The following PPP1R3F variants were observed in gnomAD, a reference collection of about 807,000 sequenced individuals.
The protein encoded by PPP1R3F is protein phosphatase 1, regulatory (inhibitor) subunit 3F.
Under a neutral mutation model 24.2 loss-of-function variants are expected in PPP1R3F, and 29 were observed. The ratio of observed to expected loss-of-function variants is 1.20; its 90% CI spans 0.89 to 1.63. The LOEUF (loss-of-function observed/expected upper bound fraction) is 1.63. Among genes scored for constraint, PPP1R3F ranks in the 40% most tolerant of loss-of-function variants. PPP1R3F has a pLI of 0.00. For synonymous variants in PPP1R3F, 363 were observed against 340.1 expected (o/e 1.07, Z -0.74); for missense variants, 823 against 729.3 (o/e 1.13, Z -1.48).
intron 3 of PPP1R3F, among the ~76,000 whole-genome samples, chrX:49,282,495 T>G (rs372859868): frequency 5.3e-5 from 4 of 76,101 alleles, no homozygotes; most frequent in African/African-American, 2.2e-4. Flanking sequence ...GTGTGTGTGT[T>G]GTGGGCGGGG....
chrX:49,291,571 A>T (rs1333642032), downstream of PPP1R3F, among the ~76,000 whole-genome samples: 1 of 109,603 alleles, frequency 9.1e-6, no homozygotes, highest in Non-Finnish European at 1.9e-5. Flanking sequence ...CAGGTGATCC[A>T]CCCGCCTCAG....
chrX:49,269,914 G>A lies in PPP1R3F; in HGVS notation c.45G>A (p.Ala15=), dbSNP rs1187692837. ...APVEPPLRHS[A]PPSPAAGEPR... is the part of the protein sequence containing the mutation. ...TGGAGCCCCCGCTGCGGCATTCCGC[G>A]CCCCCCTCGCCGGCCGCGGGTGAGC... The change falls in exon 1 of 4, where the codon GCG becomes GCA. Residue 15 remains alanine, a synonymous_variant. Transcript: ENST00000055335. 5.5e-6 allele frequency: 5 copies of A among 904,528 alleles called. No individual in the cohort carries two copies. The highest frequency in any genetic ancestry group is 6.8e-6 in the Non-Finnish European group (5 of 735,246). 74.5% of individuals were successfully genotyped at this position (904,528 alleles called of 1,213,427 possible).
downstream of PPP1R3F, chrX:49,288,115 T>A (rs1376564251): frequency 8.9e-6 from 1 of 112,533 alleles, no homozygotes; most frequent in Non-Finnish European, 1.9e-5. Context: ...TTTATTTACT[T>A]CCCTTTACAG....
chrX:49,271,564 TG>T (rs1351249489), intron 1 of PPP1R3F, among the ~76,000 whole-genome samples: 1 of 112,027 alleles, frequency 8.9e-6, no homozygotes, highest in Admixed American at 9.4e-5. Context: ...GCTTTGCCAG[TG>T]GGGGGTAGAG....
At chrX:49,271,408 AAC>A (rs1371368818) in intron 1 of PPP1R3F, among the ~76,000 whole-genome samples, 1 of 112,456 alleles carries the variant, frequency 8.9e-6, no homozygotes, top group African/African-American at 3.2e-5. Flanking sequence ...GATGATGAAT[AAC>A]AGTTATGTGC....
downstream of PPP1R3F, among the ~76,000 whole-genome samples, chrX:49,291,865 C>T (rs1557122416): frequency 9.0e-6 from 1 of 110,925 alleles, no homozygotes; most frequent in African/African-American, 3.3e-5. Flanking sequence ...CCGCATCCTA[C>T]AACCCCTCTG....
At chrX:49,291,288 T>TTCTCTCTCTCTCTCTCTCTCTCTCTC (rs781932322), downstream of PPP1R3F, among the ~76,000 whole-genome samples, 10 of 50,608 alleles carry the variant, frequency 2.0e-4, no homozygotes, top group African/African-American at 3.0e-4. Context: ...CAGCCTACTT[T>TTCTCTCTCTCTCTCTCTCTCTCTCTC]TCTCTCTCTC....
intron 2 of PPP1R3F, 24 bp from the exon 3 acceptor site, chrX:49,281,957 A>G (rs782336561): frequency 1.1e-5 from 12 of 1,139,932 alleles, no homozygotes; most frequent in African/African-American, 7.1e-5. Context: ...GTCTTGCCCA[A>G]TGCTGCCTTT....
At position 49,287,097 on chromosome X, in the gene PPP1R3F, C is replaced by T. The variant is rs782493937; in HGVS notation, c.*7C>T. The T allele has an allele frequency of 5.8e-6, 7 of 1,208,012 alleles. No individual in the cohort carries two copies. In the East Asian group the frequency reaches 2.1e-4, roughly 36 times the overall value. ...TCTGGCTTGGTTCTCATAGGCTCTG[C>T]TTGTGGGATCAGCAGAGGCTTAAGA... is the stretch of plus-strand genomic sequence containing the variant. On this transcript the variant is annotated 3_prime_UTR_variant, in exon 4 of 4. Coordinates refer to ENST00000055335, the MANE Select transcript of PPP1R3F (RefSeq NM_033215.5).
chrX:49,297,611 A>G (rs1162701347), intron 3 of PPP1R3F, among the ~76,000 whole-genome samples: 5 of 111,193 alleles, frequency 4.5e-5, no homozygotes, highest in African/African-American at 9.8e-5. Context: ...GGCCTCCCAA[A>G]GTGCTGGGAT....
chrX:49,281,422 C>G lies in PPP1R3F; in HGVS notation c.1021C>G (p.Leu341Val). The change falls in exon 2 of 4, where the codon CTG becomes GTG. Residue 341 changes from leucine to valine, a missense_variant. By Grantham distance (32) the Leu-to-Val change is conservative. Coordinates refer to ENST00000055335, the MANE Select transcript of PPP1R3F (RefSeq NM_033215.5). ...GCCCTGCAGGCCTGCCGAGGAGGAA[C>G]TGAAGACGAAGAACATGGATGATAA... ...PVRRRPAEEE[L>V]KTKNMDDNTF... is the part of the protein sequence containing the mutation. 8.3e-7 allele frequency: 1 copy of G among 1,208,765 alleles called. No homozygotes were observed. Among genetic ancestry groups the G allele is most frequent in the Admixed American group, 2.2e-5 (1 of 45,999 alleles).
At chrX:49,285,212 A>ATT (rs36080998) in intron 3 of PPP1R3F, among the ~76,000 whole-genome samples, 5 of 101,647 alleles carry the variant, frequency 4.9e-5, no homozygotes, top group Non-Finnish European at 8.1e-5. Context: ...TACACTCTTT[A>ATT]TTTTTTTTTT....
chrX:49,271,239 T>C (rs782021531), intron 1 of PPP1R3F, among the ~76,000 whole-genome samples: 61 of 111,567 alleles, frequency 5.5e-4, no homozygotes, highest in Non-Finnish European at 9.2e-4. Flanking sequence ...AGGGAATGAC[T>C]GTGTCAGACA....
At chrX:49,298,242 G>C (rs2066329008) in intron 3 of PPP1R3F, among the ~76,000 whole-genome samples, 1 of 112,173 alleles carries the variant, frequency 8.9e-6, no homozygotes, top group African/African-American at 3.2e-5. Flanking sequence ...TTGCTTGTCT[G>C]TAAAGGATTT....
chrX:49,298,344 C>A (rs2147980945), intron 3 of PPP1R3F, among the ~76,000 whole-genome samples: 1 of 112,148 alleles, frequency 8.9e-6, no homozygotes, highest in Admixed American at 9.4e-5. Context: ...TATTGGCCCC[C>A]ACTCTCTTCT....
rs3060512 is a variant in PPP1R3F at position 49,280,234 on chromosome X, TTTTTG to T, written c.1005-1147_1005-1143del. On this transcript the variant is annotated intron_variant, in intron 1 of 3. Transcript: ENST00000055335. ...TACCTGCCATTTCTTAGAAAAGGTG[TTTTTG>T]TTTTGTTTTGTTTTGTTTTGTTTTT... Among the ~76,000 whole-genome samples the T allele has an allele frequency of 2.2e-4, 23 of 106,826 alleles. No homozygotes were observed. In the East Asian group the frequency reaches 2.4e-3, roughly 11 times the overall value. 92.8% of individuals were successfully genotyped at this position (106,826 alleles called of 115,157 possible).
At chrX:49,294,409 A>G (rs2066317199) in intron 3 of PPP1R3F, among the ~76,000 whole-genome samples, 1 of 108,135 alleles carries the variant, frequency 9.2e-6, no homozygotes. Flanking sequence ...TTTTGTAGAG[A>G]TGGGGTTTCG....
At position 49,270,548 on chromosome X, in the gene PPP1R3F, G is replaced by T; in HGVS notation, c.679G>T (p.Gly227Cys). ...ILDPGLGLGP[G>C]QASASSPDDG... ...GGATCCGGGGCTCGGCCTGGGTCCC[G>T]GCCAGGCATCCGCCTCCTCGCCCGA... The change falls in exon 1 of 4, where the codon GGC (glycine) becomes TGC (cysteine). Residue 227 changes from glycine (G) to cysteine (C), a missense_variant. By Grantham distance (159) the Gly-to-Cys change is radical. Coordinates refer to ENST00000055335, the MANE Select transcript of PPP1R3F (RefSeq NM_033215.5). The T allele has an allele frequency of 1.7e-6, 2 of 1,204,055 alleles. No individual in the cohort carries two copies. The highest frequency in any genetic ancestry group is 3.0e-5 in the East Asian group (1 of 33,739).
chrX:49,274,287 TTAAAAG>T (rs1241382375), intron 1 of PPP1R3F: 2 of 111,652 alleles, frequency 1.8e-5, no homozygotes, highest in African/African-American at 6.5e-5. Flanking sequence ...CCTATTCTTC[TTAAAAG>T]TAAAGACCAA....
Sources: allele counts gnomAD v4.1 joint callset (sites outside exome capture counted in the v4.1 genomes callset), GRCh38; gene constraint gnomAD v4.1.1; transcripts MANE v1.5; gene names NCBI Gene and HGNC (gene_info 2026-07-23, HGNC 2026-07-21).